The following KIF15 variants were observed in gnomAD, a reference collection of about 807,000 sequenced individuals.
The protein encoded by KIF15 is kinesin-like protein KIF15.
Under a neutral mutation model 190.6 loss-of-function variants are expected in KIF15, and 140 were observed. The ratio of observed to expected loss-of-function variants is 0.73; its 90% CI spans 0.64 to 0.84. The LOEUF is 0.84. Among genes scored for constraint, KIF15 ranks in the 40% least tolerant of loss-of-function variants. The probability of loss-of-function intolerance (pLI) is 0.00; values close to 1 mark genes in which losing one functional copy is unlikely to be tolerated. For missense variants in KIF15, 1,372 were observed against 1,584.4 expected, an observed-to-expected ratio of 0.87 and a Z score of 2.28; for synonymous variants, 528 against 551.3, an observed-to-expected ratio of 0.96 and a Z score of 0.59.
intron 6 of KIF15, chr3:44,865,283 C>T (rs1473276476): frequency 1.3e-6 from 2 of 1,502,126 alleles, no homozygotes; most frequent in East Asian, 2.3e-5. Context: ...GTGCAGCCTT[C>T]TGACCATCAG....
At chr3:44,806,438 G>A (rs1334127372) in intron 16 of KIF15, among the ~76,000 whole-genome samples, 10 of 151,998 alleles carry the variant, frequency 6.6e-5, no homozygotes, top group Non-Finnish European at 2.9e-5. Context: ...GACCGCTAAG[G>A]GATCACAGGT....
At chr3:44,862,054 C>T in intron 6 of KIF15, 1 of 1,296,030 alleles carries the variant, frequency 7.7e-7, no homozygotes, top group Non-Finnish European at 9.9e-7. Flanking sequence ...ATTCAACTGT[C>T]TGTGCGCCGG....
intron 19 of KIF15, 179 bp downstream of exon 19, chr3:44,813,359 G>C (rs756748808): frequency 1.1e-5 from 5 of 447,144 alleles, no homozygotes; most frequent in African/African-American, 2.1e-5. Flanking sequence ...TATCATAAAA[G>C]GTAAATTTCT....
intron 14 of KIF15, 30 bp downstream of exon 14, chr3:44,803,021 A>G: frequency 6.4e-7 from 1 of 1,556,060 alleles, no homozygotes; most frequent in Admixed American, 2.1e-5. Context: ...TATACGTGCC[A>G]TGTAGGAAGG....
chr3:44,848,087 T>A, intron 31 of KIF15, 30 bp downstream of exon 31: 1 of 1,346,688 alleles, frequency 7.4e-7, no homozygotes. Flanking sequence ...AATAGTTTCT[T>A]CTTGTCTGAG....
At chr3:44,817,211 A>G (rs940747955) in intron 20 of KIF15, among the ~76,000 whole-genome samples, 7 of 151,876 alleles carry the variant, frequency 4.6e-5, no homozygotes, top group Admixed American at 4.6e-4. Context: ...TCTGATGGTC[A>G]TTTCTTTTGC....
At chr3:44,864,635 T>C (rs1252608491) in intron 6 of KIF15, among the ~76,000 whole-genome samples, 2 of 152,176 alleles carry the variant, frequency 1.3e-5, no homozygotes, top group African/African-American at 4.8e-5. Flanking sequence ...AGCTGTTTCC[T>C]AGGGTTCTGT....
At chr3:44,774,366 T>A in intron 1 of KIF15, 29 bp from the exon 2 acceptor site, 1 of 1,600,608 alleles carries the variant, frequency 6.2e-7, no homozygotes, top group African/African-American at 1.3e-5. Context: ...ACAATTTAAA[T>A]GACCTTTAAT....
At chr3:44,861,925 A>G in intron 6 of KIF15, 8 of 1,452,186 alleles carry the variant, frequency 5.5e-6, no homozygotes, top group Middle Eastern at 1.8e-4. Flanking sequence ...AGCAGGCAAC[A>G]TGGCCGAGAG....
intron 28 of KIF15, among the ~76,000 whole-genome samples, 199 bp downstream of exon 28, chr3:44,840,655 ATTTT>A (rs60621752): frequency 4.5e-4 from 30 of 67,072 alleles, no homozygotes; most frequent in African/African-American, 1.5e-3. Flanking sequence ...TAAGCAGCGG[ATTTT>A]TTTTTTTTTT....
intron 27 of KIF15, 102 bp downstream of exon 27, chr3:44,838,523 A>G: frequency 8.5e-7 from 1 of 1,177,234 alleles, no homozygotes. Context: ...GGGGTGGACC[A>G]CTTGAAGTCA....
intron 17 of KIF15, among the ~76,000 whole-genome samples, chr3:44,811,695 GT>G (rs1707793312): frequency 6.6e-6 from 1 of 152,290 alleles, no homozygotes; most frequent in African/African-American, 2.4e-5. Flanking sequence ...ATTTTAGACA[GT>G]TTTTAATATA....
At chr3:44,784,995 G>A in intron 6 of KIF15, 53 bp downstream of exon 6, 9 of 907,408 alleles carry the variant, frequency 9.9e-6, no homozygotes, top group Non-Finnish European at 1.6e-5. Context: ...TTTTGAATAG[G>A]TAGCTACTGA....
intron 3 of KIF15, among the ~76,000 whole-genome samples, chr3:44,776,315 G>T (rs773329295): frequency 6.6e-6 from 1 of 150,536 alleles, no homozygotes; most frequent in Admixed American, 6.6e-5. Context: ...CCAGCTACTT[G>T]GAGGGCTAAG....
chr3:44,813,859 C>T (rs1003699052), intron 19 of KIF15, among the ~76,000 whole-genome samples: 1 of 152,058 alleles, frequency 6.6e-6, no homozygotes, highest in African/African-American at 2.4e-5. Context: ...CTCAGGTGAT[C>T]CACCCACCTC....
At chr3:44,858,970 A>C (rs997689778) in intron 6 of KIF15, among the ~76,000 whole-genome samples, 1 of 152,208 alleles carries the variant, frequency 6.6e-6, no homozygotes. Flanking sequence ...AGATATGGGA[A>C]GGAGTCAGTC....
intron 32 of KIF15, among the ~76,000 whole-genome samples, chr3:44,851,387 T>C (rs568298150): frequency 1.3e-5 from 2 of 152,314 alleles, no homozygotes; most frequent in African/African-American, 4.8e-5. Context: ...AAGAAATGAA[T>C]TGAAAGAAAT....
intron 32 of KIF15, among the ~76,000 whole-genome samples, chr3:44,850,404 C>T (rs1042293877): frequency 3.3e-5 from 5 of 152,162 alleles, no homozygotes; most frequent in African/African-American, 1.2e-4. Flanking sequence ...TATTTTAGAA[C>T]TAATATCTAT....
chr3:44,839,116 A>T (rs915271775), intron 27 of KIF15, among the ~76,000 whole-genome samples: 2 of 152,170 alleles, frequency 1.3e-5, no homozygotes, highest in Non-Finnish European at 2.9e-5. Context: ...CACACCTGTA[A>T]TCCCAGCACT....
Sources: allele counts gnomAD v4.1 joint callset (sites outside exome capture counted in the v4.1 genomes callset), GRCh38; gene constraint gnomAD v4.1.1; transcripts MANE v1.5; gene names NCBI Gene and HGNC (gene_info 2026-07-23, HGNC 2026-07-21).